Variants in CDKAL1 observed in about 807,000 individuals in gnomAD.
CDKAL1 encodes CDKAL1 threonylcarbamoyladenosine tRNA methylthiotransferase.
In CDKAL1, 32 loss-of-function variants were observed where a neutral mutation model predicts 68.2. The ratio of observed to expected loss-of-function variants is 0.47; its 90% CI spans 0.35 to 0.63. CDKAL1 has a LOEUF of 0.63. Ranked by LOEUF, CDKAL1 falls within the 30% of genes least tolerant of loss-of-function variation. CDKAL1 has a pLI of 0.00. For missense variants in CDKAL1, 606 were observed against 696.7 expected (o/e 0.87, Z 1.47); for synonymous variants, 234 against 244.3 (o/e 0.96, Z 0.39).
chr6:21,152,763 ACTTT>A (rs1776471276), intron 13 of CDKAL1, among the ~76,000 whole-genome samples: 1 of 152,216 alleles, frequency 6.6e-6, no homozygotes, highest in Non-Finnish European at 1.5e-5. Flanking sequence ...AAACTGAATT[ACTTT>A]TTGTCTTTTG....
intron 12 of CDKAL1, among the ~76,000 whole-genome samples, chr6:21,079,364 C>G (rs188725203): frequency 5.7e-4 from 87 of 152,194 alleles, no homozygotes; most frequent in Non-Finnish European, 1.0e-3. Flanking sequence ...GTCTAGGTGG[C>G]AGGGGAACAG....
intron 9 of CDKAL1, among the ~76,000 whole-genome samples, chr6:20,876,353 A>G (rs927725392): frequency 3.3e-5 from 5 of 152,184 alleles, no homozygotes; most frequent in African/African-American, 1.2e-4. Context: ...CGGAGGATAG[A>G]TTACTACTGC....
intron 4 of CDKAL1, among the ~76,000 whole-genome samples, chr6:20,644,340 A>T (rs1245575358): frequency 6.6e-6 from 1 of 152,026 alleles, no homozygotes; most frequent in Non-Finnish European, 1.5e-5. Flanking sequence ...TGATAATATT[A>T]AATAAGATGT....
chr6:20,594,024 C>T (rs574753594), intron 4 of CDKAL1, among the ~76,000 whole-genome samples: 29 of 152,334 alleles, frequency 1.9e-4, no homozygotes, highest in Admixed American at 1.8e-3. Flanking sequence ...AATTTGATTG[C>T]ACTGTGGTCT....
At chr6:20,814,835 G>T (rs570480789) in intron 8 of CDKAL1, among the ~76,000 whole-genome samples, 1 of 152,230 alleles carries the variant, frequency 6.6e-6, no homozygotes, top group Admixed American at 6.5e-5. Flanking sequence ...TTTTAAGCTT[G>T]TTCATCTTTC....
At chr6:21,164,777 C>T (rs931287808) in intron 13 of CDKAL1, among the ~76,000 whole-genome samples, 1 of 152,190 alleles carries the variant, frequency 6.6e-6, no homozygotes, top group African/African-American at 2.4e-5. Context: ...ATCCTTGAAG[C>T]TTGACTTGAC....
intron 10 of CDKAL1, among the ~76,000 whole-genome samples, chr6:20,992,208 A>ATATGTATG (rs1554155272): frequency 6.9e-6 from 1 of 144,560 alleles, no homozygotes; most frequent in African/African-American, 2.8e-5. Flanking sequence ...ATATATATAT[A>ATATGTATG]TATGTATTTT....
intron 8 of CDKAL1, among the ~76,000 whole-genome samples, chr6:20,804,868 G>A (rs1430070097): frequency 2.0e-5 from 3 of 152,090 alleles, no homozygotes; most frequent in African/African-American, 7.2e-5. Context: ...CTTTCCTTCT[G>A]CTAGTCTACT....
chr6:20,691,881 A>G (rs568388698), intron 5 of CDKAL1, among the ~76,000 whole-genome samples: 1 of 152,058 alleles, frequency 6.6e-6, no homozygotes, highest in South Asian at 2.1e-4. Flanking sequence ...TTTCATTTCT[A>G]TTTTATATAT....
chr6:20,849,113 G>C (rs984224983), intron 9 of CDKAL1, among the ~76,000 whole-genome samples: 1 of 151,958 alleles, frequency 6.6e-6, no homozygotes. Flanking sequence ...CAAGTACTTG[G>C]TGCTTTTTGC....
intron 7 of CDKAL1, among the ~76,000 whole-genome samples, chr6:20,763,539 C>T (rs139057346): frequency 3.7e-4 from 57 of 152,252 alleles, no homozygotes; most frequent in African/African-American, 1.3e-3. Context: ...GATGGAATAC[C>T]GCCTGACAAG....
At chr6:21,205,621 C>G (rs929252486) in intron 15 of CDKAL1, among the ~76,000 whole-genome samples, 3 of 151,660 alleles carry the variant, frequency 2.0e-5, no homozygotes, top group African/African-American at 4.9e-5. Context: ...AGCTCCGCCT[C>G]CTGGGTTCAC....
At chr6:21,191,088 T>C (rs1366469965) in intron 13 of CDKAL1, among the ~76,000 whole-genome samples, 1 of 152,248 alleles carries the variant, frequency 6.6e-6, no homozygotes, top group Admixed American at 6.5e-5. Context: ...TCTTACTGAG[T>C]TAAAAGTATT....
chr6:20,774,466 T>G (rs953055134), intron 7 of CDKAL1, among the ~76,000 whole-genome samples: 12 of 152,204 alleles, frequency 7.9e-5, no homozygotes, highest in Non-Finnish European at 1.2e-4. Flanking sequence ...CCTTTATGAT[T>G]GGCTTCCTGA....
chr6:20,727,870 G>C (rs922702639), intron 5 of CDKAL1, among the ~76,000 whole-genome samples: 2 of 152,162 alleles, frequency 1.3e-5, no homozygotes, highest in African/African-American at 2.4e-5. Context: ...GACCTGCAAT[G>C]AGTTCTGTCC....
intron 4 of CDKAL1, among the ~76,000 whole-genome samples, chr6:20,554,470 A>G (rs1230508678): frequency 6.6e-6 from 1 of 152,202 alleles, no homozygotes; most frequent in African/African-American, 2.4e-5. Flanking sequence ...TTGAGAATAC[A>G]TTTAGTATTA....
At chr6:20,611,820 C>T (rs1180398865) in intron 4 of CDKAL1, among the ~76,000 whole-genome samples, 7 of 152,076 alleles carry the variant, frequency 4.6e-5, no homozygotes, top group South Asian at 2.1e-4. Flanking sequence ...TCACCCTACT[C>T]GGCTATCAAA....
chr6:20,920,279 G>T (rs1463444997), intron 9 of CDKAL1, among the ~76,000 whole-genome samples: 1 of 152,118 alleles, frequency 6.6e-6, no homozygotes, highest in Admixed American at 6.5e-5. Context: ...TCTAGAACGA[G>T]ACCTGAAAAT....
intron 9 of CDKAL1, among the ~76,000 whole-genome samples, chr6:20,948,884 T>C (rs763996992): frequency 1.3e-5 from 2 of 152,252 alleles, no homozygotes; most frequent in African/African-American, 2.4e-5. Flanking sequence ...ATCATCCTTT[T>C]ATGGTATTTA....
Sources: allele counts gnomAD v4.1 joint callset (sites outside exome capture counted in the v4.1 genomes callset), GRCh38; gene constraint gnomAD v4.1.1; transcripts MANE v1.5; gene names NCBI Gene and HGNC (gene_info 2026-07-23, HGNC 2026-07-21).